The following THSD4 variants were observed in gnomAD, a reference collection of about 807,000 sequenced individuals.
THSD4 encodes the protein thrombospondin type 1 domain containing 4, also known as thrombospondin type-1 domain-containing protein 4.
Under a neutral mutation model 119.0 loss-of-function variants are expected in THSD4, and 69 were observed. The observed-to-expected ratio is 0.58, with a 90% CI of 0.48 to 0.71. THSD4 has a LOEUF of 0.71. Ranked by LOEUF, THSD4 falls within the 30% of genes least tolerant of loss-of-function variation. The pLI is 0.00. For missense variants in THSD4, 1,393 were observed against 1,391.1 expected, an observed-to-expected ratio of 1.00 and a Z score of -0.02; for synonymous variants, 524 against 540.4, an observed-to-expected ratio of 0.97 and a Z score of 0.42.
At chr15:71,450,414 C>T (rs1424495076) in intron 7 of THSD4, among the ~76,000 whole-genome samples, 2 of 151,940 alleles carry the variant, frequency 1.3e-5, no homozygotes, top group Non-Finnish European at 2.9e-5. Flanking sequence ...GAGAGTAGAA[C>T]AGGAAAGAAA....
intron 2 of THSD4, among the ~76,000 whole-genome samples, chr15:71,142,285 A>G (rs1040375878): frequency 3.7e-5 from 5 of 134,648 alleles, no homozygotes; most frequent in Non-Finnish European, 6.6e-5. Context: ...CAGAAAACCA[A>G]TGCTCAGAGA....
At chr15:71,593,993 G>A (rs867649584) in intron 7 of THSD4, among the ~76,000 whole-genome samples, 24 of 151,706 alleles carry the variant, frequency 1.6e-4, no homozygotes, top group African/African-American at 5.1e-4. Context: ...ATGAGAAAGA[G>A]GGAAGAGGGG....
At chr15:71,750,196 C>T (rs1417854445) in intron 14 of THSD4, among the ~76,000 whole-genome samples, 1 of 152,190 alleles carries the variant, frequency 6.6e-6, no homozygotes, top group Admixed American at 6.5e-5. Flanking sequence ...CTCCCAGCAT[C>T]ATGAGAACAA....
intron 6 of THSD4, among the ~76,000 whole-genome samples, chr15:71,261,991 T>A (rs1386353390): frequency 2.0e-5 from 3 of 152,198 alleles, no homozygotes; most frequent in Non-Finnish European, 1.5e-5. Flanking sequence ...GCTCCCAGGC[T>A]GACCGGCGGG....
chr15:71,517,702 A>G (rs2048380684), intron 7 of THSD4, among the ~76,000 whole-genome samples: 1 of 152,206 alleles, frequency 6.6e-6, no homozygotes, highest in Non-Finnish European at 1.5e-5. Flanking sequence ...ATGTAAAACC[A>G]TAACAAACTA....
chr15:71,642,391 GC>G (rs1390799602), intron 7 of THSD4, among the ~76,000 whole-genome samples: 1 of 152,128 alleles, frequency 6.6e-6, no homozygotes, highest in African/African-American at 2.4e-5. Flanking sequence ...AGTCAGTGTG[GC>G]GATTCCTCAG....
At chr15:71,273,535 A>C (rs1423742967) in intron 6 of THSD4, among the ~76,000 whole-genome samples, 1 of 152,182 alleles carries the variant, frequency 6.6e-6, no homozygotes, top group Non-Finnish European at 1.5e-5. Flanking sequence ...AAAAGAGTAG[A>C]TTCTAAATGT....
In THSD4 at chr15:71,781,714, G is replaced by A. The variant is rs915736993; in HGVS notation, c.*4340G>A. 1 of 152,308 alleles carries A rather than the reference G, an allele frequency of 6.6e-6. No individual in the cohort carries two copies. Among genetic ancestry groups the A allele is most frequent in the South Asian group, 2.1e-4 (1 of 4,828 alleles). The allele number at this position is 152,308 out of a possible 1,614,324, so 9.4% of individuals were successfully genotyped here. On this transcript the variant is annotated 3_prime_UTR_variant, in exon 18 of 18. Transcript: ENST00000261862. ...CAAGTTGGAGCCTTCCAGAGATAGA[G>A]GGACTGTGGTAGGTGGTGACCCACC...
At chr15:71,316,391 A>G (rs958811555) in intron 6 of THSD4, among the ~76,000 whole-genome samples, 3 of 152,182 alleles carry the variant, frequency 2.0e-5, no homozygotes, top group Admixed American at 6.5e-5. Context: ...CTGGTGGGAC[A>G]TCTTCAGTCA....
chr15:71,577,811 C>T (rs1467161332), intron 7 of THSD4, among the ~76,000 whole-genome samples: 2 of 151,068 alleles, frequency 1.3e-5, no homozygotes, highest in African/African-American at 4.9e-5. Context: ...ACCTCCACCT[C>T]CTGAGTTCAC....
At chr15:71,155,656 G>T (rs1408469197) in intron 3 of THSD4, among the ~76,000 whole-genome samples, 4 of 152,172 alleles carry the variant, frequency 2.6e-5, no homozygotes, top group Non-Finnish European at 5.9e-5. Context: ...CCAGTATGGA[G>T]CTTTTACCCT....
chr15:71,114,456 G>A (rs2040335478), upstream of THSD4, among the ~76,000 whole-genome samples: 1 of 152,146 alleles, frequency 6.6e-6, no homozygotes, highest in East Asian at 1.9e-4. Context: ...CCTGTATCTG[G>A]ACAGCCTCTT....
intron 4 of THSD4, among the ~76,000 whole-genome samples, chr15:71,240,520 A>T (rs2044142896): frequency 6.6e-6 from 1 of 152,140 alleles, no homozygotes; most frequent in African/African-American, 2.4e-5. Context: ...GATGTCCTAG[A>T]TCCAGAATTT....
Position 71,344,744 on chromosome 15 carries a change from G to A in THSD4, c.1016-66943G>A, listed in dbSNP as rs575372067. Among the ~76,000 whole-genome samples, 126 of 152,312 alleles carry A rather than the reference G, an allele frequency of 8.3e-4. 1 individual carries two copies. The South Asian group carries it at 0.017, about 20-fold the overall frequency. On this transcript the variant is annotated intron_variant, in intron 6 of 17. Coordinates refer to ENST00000261862, the MANE Select transcript of THSD4 (RefSeq NM_024817.3). ...ATGTAGAAGCACCAAATTGTATCAT[G>A]AGCATTCACAAAGATTTCTTGTGCC...
At chr15:71,120,351 C>G (rs2040398787) in intron 1 of THSD4, among the ~76,000 whole-genome samples, 1 of 152,212 alleles carries the variant, frequency 6.6e-6, no homozygotes. Flanking sequence ...ACCTCTTTTC[C>G]TGTCTACCCC....
intron 1 of THSD4, among the ~76,000 whole-genome samples, chr15:71,121,567 T>C (rs750807133): frequency 1.3e-5 from 2 of 152,170 alleles, no homozygotes; most frequent in Non-Finnish European, 2.9e-5. Flanking sequence ...TCCAGCTCCA[T>C]GGTTTCCAGC....
chr15:71,198,689 GC>G (rs1463567329), intron 3 of THSD4, among the ~76,000 whole-genome samples: 1 of 152,156 alleles, frequency 6.6e-6, no homozygotes, highest in African/African-American at 2.4e-5. Flanking sequence ...CCTCCTCCTG[GC>G]CAGGTATCCC....
At chr15:71,153,792 C>T (rs758012928) in intron 2 of THSD4, among the ~76,000 whole-genome samples, 46 of 152,270 alleles carry the variant, frequency 3.0e-4, no homozygotes, top group Non-Finnish European at 5.3e-4. Context: ...AGGTTAAATA[C>T]GATTTGACAA....
chr15:71,517,418 C>T (rs1032939429), intron 7 of THSD4, among the ~76,000 whole-genome samples: 4 of 152,296 alleles, frequency 2.6e-5, no homozygotes, highest in Admixed American at 2.6e-4. Context: ...TTCATTCTAG[C>T]CCTCAGTCCT....
Sources: allele counts gnomAD v4.1 joint callset (sites outside exome capture counted in the v4.1 genomes callset), GRCh38; gene constraint gnomAD v4.1.1; transcripts MANE v1.5; gene names NCBI Gene and HGNC (gene_info 2026-07-23, HGNC 2026-07-21).